The following GUSB variants were observed in gnomAD, a reference collection of about 807,000 sequenced individuals.
The protein encoded by GUSB is glucuronidase beta.
GUSB carries 51 observed loss-of-function variants against 74.6 expected under a neutral mutation model. That is an observed-to-expected ratio of 0.68 (90% CI 0.55 to 0.86). The LOEUF (loss-of-function observed/expected upper bound fraction) is 0.86. Ranked by LOEUF, GUSB falls within the 40% of genes least tolerant of loss-of-function variation. The pLI is 0.00. For synonymous variants in GUSB, 360 were observed against 348.3 expected (o/e 1.03, Z -0.37); for missense variants, 736 against 853.7 (o/e 0.86, Z 1.72).
chr7:65,963,726 T>G (rs1383205670), intron 11 of GUSB, among the ~76,000 whole-genome samples: 1 of 152,096 alleles, frequency 6.6e-6, no homozygotes, highest in Non-Finnish European at 1.5e-5. Context: ...GTTTATTTTT[T>G]GTAGAGATGG....
In GUSB at chr7:65,974,530, G is replaced by A. The variant is rs150686327; in HGVS notation, c.1240C>T (p.Leu414=). The A allele has an allele frequency of 3.3e-4, 532 of 1,614,150 alleles. No individual in the cohort carries two copies. The highest frequency in any genetic ancestry group is 1.8e-3 in the Middle Eastern group (11 of 6,062). Residue 414 remains leucine (L), a synonymous_variant, in exon 7 of 12, where the codon CTG becomes TTG. Transcript: ENST00000304895. ...AGGTGCACAGCAGAGACTCACGGCAGCGCCAGGCCCACGCCGGGACACTCA... is the reference window on the plus strand; with the variant it reads ...AGGTGCACAGCAGAGACTCACGGCAACGCCAGGCCCACGCCGGGACACTCA... ...IDECPGVGLA[L]PQFFNNVSLH...
At chr7:65,974,230 C>A in intron 8 of GUSB, 65 bp downstream of exon 8, 1 of 1,550,212 alleles carries the variant, frequency 6.5e-7, no homozygotes, top group South Asian at 1.1e-5. Flanking sequence ...CACATGCCCA[C>A]CGAGGCCAGC....
At chr7:65,980,184 T>TCCCCCCCCCCCCCCCCCCCC in intron 2 of GUSB, 40 bp downstream of exon 2, 10 of 720,096 alleles carry the variant, frequency 1.4e-5, no homozygotes, top group South Asian at 4.7e-5. Context: ...TCAGCAGCCG[T>TCCCCCCCCCCCCCCCCCCCC]GCCCCCCCAC....
chr7:65,972,128 C>A (rs1006905787), intron 8 of GUSB, among the ~76,000 whole-genome samples: 2 of 152,120 alleles, frequency 1.3e-5, no homozygotes, highest in African/African-American at 4.8e-5. Flanking sequence ...GAGCTCCTGG[C>A]ACCTGCCCGA....
chr7:65,980,557 G>T, intron 1 of GUSB, 148 bp from the exon 2 acceptor site: 1 of 747,726 alleles, frequency 1.3e-6, no homozygotes, highest in Non-Finnish European at 2.3e-6. Context: ...GCTGATGACA[G>T]GTCAACTGCC....
At chr7:65,965,454 A>G in intron 10 of GUSB, among the ~76,000 whole-genome samples, 1 of 152,118 alleles carries the variant, frequency 6.6e-6, no homozygotes, top group East Asian at 1.9e-4. Context: ...ATATATCAAG[A>G]CCTCAGTAGC....
chr7:65,980,466 T>C (rs1791933302), intron 1 of GUSB, 57 bp from the exon 2 acceptor site: 1 of 1,503,120 alleles, frequency 6.7e-7, no homozygotes, highest in Non-Finnish European at 9.2e-7. Context: ...CCAGGACCAG[T>C]GTGCTGCACG....
intron 4 of GUSB, among the ~76,000 whole-genome samples, chr7:65,977,147 CTG>C (rs1359322337): frequency 2.0e-5 from 3 of 152,112 alleles, no homozygotes; most frequent in African/African-American, 7.2e-5. Context: ...GTCCTGAATT[CTG>C]TGTCTCAGGG....
In GUSB at chr7:65,982,121, C is replaced by A; in HGVS notation, c.63G>T (p.Leu21=). ...ALGPLLWGCA[L]GLQGGMLYPQ... is the part of the protein sequence containing the mutation. ...GGTACAGCATCCCGCCCTGCAGCCC[C>A]AGCGCGCAGCCCCACAACAACGGCC... The change falls in exon 1 of 12, where the codon CTG becomes CTT. Residue 21 remains leucine, a synonymous_variant. Coordinates refer to ENST00000304895, the MANE Select transcript of GUSB (RefSeq NM_000181.4). 1 of 1,574,550 alleles carries A rather than the reference C, an allele frequency of 6.4e-7. No individual in the cohort carries two copies. The highest frequency in any genetic ancestry group is 8.6e-7 in the Non-Finnish European group (1 of 1,161,418).
Position 65,975,276 on chromosome 7 carries a change from G to T in GUSB, c.913-205C>A, listed in dbSNP as rs549338913. ...ATGGCCTTCCCTTTGACAAGACAAG[G>T]TGGCTCATGCCTGGAGTTCCCACAC... On this transcript the variant is annotated intron_variant, in intron 5 of 11. Coordinates refer to ENST00000304895, the MANE Select transcript of GUSB (RefSeq NM_000181.4). The T allele has an allele frequency of 8.5e-5, 51 of 599,150 alleles. 2 individuals are homozygous for T. The highest frequency in any genetic ancestry group is 6.6e-4 in the South Asian group (35 of 53,244). The allele number at this position is 599,150 out of a possible 1,614,324, so 37.1% of individuals were successfully genotyped here.
At chr7:65,965,086 TATATAA>T (rs1349869233) in intron 10 of GUSB, among the ~76,000 whole-genome samples, 2 of 150,124 alleles carry the variant, frequency 1.3e-5, no homozygotes, top group African/African-American at 4.9e-5. Context: ...TATATATATA[TATATAA>T]AAATTAAATT....
intron 5 of GUSB, 62 bp from the exon 6 acceptor site, chr7:65,975,133 C>G (rs1052220065): frequency 1.1e-5 from 16 of 1,515,046 alleles, no homozygotes; most frequent in African/African-American, 8.2e-5. Context: ...CCGGCCTGCC[C>G]TCCAGCAGGA....
At chr7:65,980,185 G>GGGGGGGGGCCCCC in intron 2 of GUSB, 39 bp downstream of exon 2, 3 of 725,274 alleles carry the variant, frequency 4.1e-6, no homozygotes, top group South Asian at 1.5e-5. Flanking sequence ...CAGCAGCCGT[G>GGGGGGGGGCCCCC]CCCCCCCACC....
intron 11 of GUSB, among the ~76,000 whole-genome samples, chr7:65,962,918 C>G (rs1790595248): frequency 6.6e-6 from 1 of 151,974 alleles, no homozygotes; most frequent in Admixed American, 6.6e-5. Flanking sequence ...GAGTACAGTG[C>G]TGTGATCTTA....
intron 2 of GUSB, 113 bp downstream of exon 2, chr7:65,980,111 G>T: frequency 8.7e-7 from 1 of 1,143,582 alleles, no homozygotes; most frequent in South Asian, 1.3e-5. Context: ...GGGCAGGGCA[G>T]GACCCCCCAC....
chr7:65,973,057 G>A (rs1791318889), intron 8 of GUSB, among the ~76,000 whole-genome samples: 1 of 152,230 alleles, frequency 6.6e-6, no homozygotes, highest in Admixed American at 6.5e-5. Flanking sequence ...GGGGCCAGGT[G>A]TGGTGGTTCA....
intron 8 of GUSB, among the ~76,000 whole-genome samples, chr7:65,973,161 T>C (rs935658452): frequency 5.3e-5 from 8 of 151,918 alleles, no homozygotes; most frequent in Non-Finnish European, 7.4e-5. Context: ...TGAAACCCAG[T>C]CTCTAATTAG....
Position 65,974,285 on chromosome 7 carries a change from G to A in GUSB, c.1391+10C>T, listed in dbSNP as rs746796155. 1 of 1,613,888 alleles carries A rather than the reference G, an allele frequency of 6.2e-7. No homozygotes were observed. The highest frequency in any genetic ancestry group is 8.5e-7 in the Non-Finnish European group (1 of 1,179,884). Reference sequence around the variant, plus strand: ...CCCACTCTAGCCGAGGGCAGGGAGGGAGCACTCACTTCAAGTAGTAGCCAG... The same window carrying A: ...CCCACTCTAGCCGAGGGCAGGGAGGAAGCACTCACTTCAAGTAGTAGCCAG... On this transcript the variant is annotated intron_variant, in intron 8 of 11. Transcript: ENST00000304895.
intron 8 of GUSB, 89 bp from the exon 9 acceptor site, chr7:65,970,455 C>G: frequency 1.2e-6 from 1 of 820,898 alleles, no homozygotes; most frequent in Non-Finnish European, 2.1e-6. Flanking sequence ...CTTCCACCGC[C>G]AGAACACAAC....
Sources: gnomAD v4.1 joint callset for allele counts (sites outside exome capture counted in the v4.1 genomes callset) on GRCh38, gnomAD v4.1.1 for gene constraint, MANE v1.5 for transcripts, NCBI Gene and HGNC (gene_info 2026-07-23, HGNC 2026-07-21) for gene names.